Variants in CNIH3 observed in about 807,000 individuals in gnomAD.
The protein encoded by CNIH3 is cornichon family AMPA receptor auxiliary protein 3, also known as protein cornichon homolog 3.
A neutral mutation model predicts 24.1 loss-of-function variants in CNIH3; 14 were observed. That is an observed-to-expected ratio of 0.58 (90% CI 0.38 to 0.91). The LOEUF is 0.91. CNIH3 is among the 40% of genes least tolerant of loss of function. The pLI, the probability that CNIH3 is intolerant of heterozygous loss-of-function variation, is 0.00. For missense variants in CNIH3, 178 were observed against 196.8 expected, an observed-to-expected ratio of 0.90 and a Z score of 0.57; for synonymous variants, 68 against 73.8, an observed-to-expected ratio of 0.92 and a Z score of 0.40.
At chr1:224,606,888 A>G (rs1350844009) in intron 3 of CNIH3, among the ~76,000 whole-genome samples, 1 of 152,120 alleles carries the variant, frequency 6.6e-6, no homozygotes, top group Admixed American at 6.5e-5. Context: ...AGCCTCCCAG[A>G]AGCTTTTCCC....
chr1:224,560,447 C>T (rs9661938), intron 3 of CNIH3, among the ~76,000 whole-genome samples: 2,703 of 152,098 alleles, frequency 0.018, 88 homozygotes, highest in African/African-American at 0.061. Context: ...TGTTAGGAAC[C>T]GGGCCCCACA....
intron 4 of CNIH3, among the ~76,000 whole-genome samples, chr1:224,579,354 T>C (rs1370384232): frequency 6.6e-6 from 1 of 152,186 alleles, no homozygotes; most frequent in Non-Finnish European, 1.5e-5. Flanking sequence ...ATAGAGTCCA[T>C]TGGAAACTCT....
rs574303879 is a variant in CNIH3 at position 224,573,055 on chromosome 1, A to C, written n.516+6791A>C. The stretch of plus-strand genomic sequence containing the variant: ...TCAATAATTAAAATTGTTGACATAC[A>C]ATTATTCATAATACTGCCTTGTAGT... On this transcript the variant is annotated intron_variant and non_coding_transcript_variant, in intron 4 of 5. Coordinates refer to the CNIH3 transcript ENST00000471578. 6.6e-5 allele frequency among the ~76,000 whole-genome samples: 10 copies of C among 152,306 alleles called. No homozygotes were observed. In the South Asian group the frequency reaches 2.1e-3, roughly 32 times the overall value.
intron 1 of CNIH3, among the ~76,000 whole-genome samples, chr1:224,470,380 C>T (rs1368472068): frequency 6.7e-6 from 1 of 148,528 alleles, no homozygotes. Context: ...AGTGCAGTGG[C>T]ACGATCGTAG....
intron 3 of CNIH3, among the ~76,000 whole-genome samples, chr1:224,728,687 T>C (rs1438266756): frequency 6.6e-6 from 1 of 152,248 alleles, no homozygotes; most frequent in Non-Finnish European, 1.5e-5. Context: ...TCTAACTAAA[T>C]TGAGAGACCA....
Position 224,548,060 on chromosome 1 carries a change from C to T in CNIH3, n.450+1121C>T, listed in dbSNP as rs1679771296. The stretch of plus-strand genomic sequence containing the variant: ...TTATTCATAACATCTCAGGGAGATA[C>T]TTCTCCTAATATCACAGTGGGTGTA... On this transcript the variant is annotated intron_variant and non_coding_transcript_variant, in intron 3 of 5. Coordinates refer to the CNIH3 transcript ENST00000471578. 2.0e-5 allele frequency among the ~76,000 whole-genome samples: 3 copies of T among 149,268 alleles called. No individual in the cohort carries two copies. In the South Asian group the frequency reaches 6.4e-4, roughly 32 times the overall value.
At chr1:224,507,030 A>G (rs1677948859) in intron 1 of CNIH3, among the ~76,000 whole-genome samples, 1 of 152,030 alleles carries the variant, frequency 6.6e-6, no homozygotes, top group Non-Finnish European at 1.5e-5. Flanking sequence ...CACCTGGCTA[A>G]TTTTTGTATT....
chr1:224,722,391 T>C (rs1457918094), intron 3 of CNIH3, among the ~76,000 whole-genome samples: 1 of 152,070 alleles, frequency 6.6e-6, no homozygotes, highest in African/African-American at 2.4e-5. Context: ...TCTAGGCAAT[T>C]TGGATGCAGG....
chr1:224,737,941 C>T (rs973476393), intron 5 of CNIH3, among the ~76,000 whole-genome samples: 8 of 152,224 alleles, frequency 5.3e-5, no homozygotes, highest in Admixed American at 5.2e-4. Context: ...TGAACAGTGT[C>T]TGCTCTGTAG....
At chr1:224,702,153 C>T (rs995432406) in intron 3 of CNIH3, among the ~76,000 whole-genome samples, 11 of 151,950 alleles carry the variant, frequency 7.2e-5, no homozygotes, top group African/African-American at 2.7e-4. Context: ...TAGTTTTTTC[C>T]CCACATACCA....
chr1:224,573,156 C>A (rs563421009), intron 4 of CNIH3, among the ~76,000 whole-genome samples: 72 of 152,198 alleles, frequency 4.7e-4, no homozygotes, highest in African/African-American at 1.7e-3. Context: ...TCTTTTCTCT[C>A]GAATTTTTAG....
chr1:224,635,704 C>G (rs1446700912), intron 1 of CNIH3, among the ~76,000 whole-genome samples: 1 of 152,164 alleles, frequency 6.6e-6, no homozygotes. Flanking sequence ...TCACTTTTTC[C>G]TCCCTTCCTT....
chr1:224,685,555 G>A (rs1182935960), intron 3 of CNIH3, among the ~76,000 whole-genome samples: 1 of 152,156 alleles, frequency 6.6e-6, no homozygotes, highest in Non-Finnish European at 1.5e-5. Context: ...ATAACCAAAG[G>A]ACATCCCTAA....
chr1:224,732,837 G>A (rs1689407151), intron 4 of CNIH3, among the ~76,000 whole-genome samples: 1 of 152,202 alleles, frequency 6.6e-6, no homozygotes, highest in South Asian at 2.1e-4. Context: ...TATGGAGGAA[G>A]GGAGGGGCTG....
intron 3 of CNIH3, among the ~76,000 whole-genome samples, chr1:224,551,890 A>C (rs1679937655): frequency 6.6e-6 from 1 of 151,104 alleles, no homozygotes; most frequent in Non-Finnish European, 1.5e-5. Flanking sequence ...GTAATATCTA[A>C]GGGAGTTATA....
intron 1 of CNIH3, among the ~76,000 whole-genome samples, chr1:224,469,220 T>C (rs528872269): frequency 6.6e-6 from 1 of 152,068 alleles, no homozygotes; most frequent in Non-Finnish European, 1.5e-5. Flanking sequence ...AGCTGGAGCT[T>C]CAGGTGCATG....
At chr1:224,443,267 G>A (rs1222916194) in intron 1 of CNIH3, among the ~76,000 whole-genome samples, 1 of 152,154 alleles carries the variant, frequency 6.6e-6, no homozygotes, top group African/African-American at 2.4e-5. Flanking sequence ...GGCTTCCTGG[G>A]AGACACATTA....
chr1:224,503,125 G>A (rs1677750880), intron 1 of CNIH3, among the ~76,000 whole-genome samples: 1 of 152,234 alleles, frequency 6.6e-6, no homozygotes, highest in African/African-American at 2.4e-5. Flanking sequence ...TTTTTGGGAG[G>A]AGGATGAGAA....
intron 1 of CNIH3, among the ~76,000 whole-genome samples, chr1:224,659,419 G>A (rs1685238698): frequency 6.6e-6 from 1 of 152,186 alleles, no homozygotes; most frequent in Non-Finnish European, 1.5e-5. Flanking sequence ...TTAGTAAAAT[G>A]TAAATCTGCT....
Sources: gnomAD v4.1 joint callset for allele counts (sites outside exome capture counted in the v4.1 genomes callset) on GRCh38, gnomAD v4.1.1 for gene constraint, MANE v1.5 for transcripts, NCBI Gene and HGNC (gene_info 2026-07-23, HGNC 2026-07-21) for gene names.